MIA2: variants seen among roughly 807,000 people sequenced by gnomAD.
The protein encoded by MIA2 is MIA SH3 domain ER export factor 2, also known as melanoma inhibitory activity protein 2.
In MIA2, 127 loss-of-function variants were observed where a neutral mutation model predicts 167.8. That is an observed-to-expected ratio of 0.76 (90% CI 0.66 to 0.88). MIA2 has a LOEUF of 0.88. Among genes scored for constraint, MIA2 ranks in the 40% least tolerant of loss-of-function variants. The pLI, the probability that MIA2 is intolerant of heterozygous loss-of-function variation, is 0.00. For synonymous variants in MIA2, 552 were observed against 541.9 expected, an observed-to-expected ratio of 1.02 and a Z score of -0.26; for missense variants, 1,690 against 1,624.7, an observed-to-expected ratio of 1.04 and a Z score of -0.69.
At chr14:39,269,082 T>TTTTTTA in intron 6 of MIA2, 1 of 883,356 alleles carries the variant, frequency 1.1e-6, no homozygotes, top group Non-Finnish European at 1.3e-6. Context: ...CAGTTTTTTT[T>TTTTTTA]TTTTTTTTTT....
intron 6 of MIA2, among the ~76,000 whole-genome samples, chr14:39,274,188 C>T (rs1328423623): frequency 6.6e-6 from 1 of 152,100 alleles, no homozygotes; most frequent in Non-Finnish European, 1.5e-5. Flanking sequence ...TGGAGGGTTA[C>T]TCTTGGAGGG....
rs1405217018 is a variant in MIA2, at chr14:39,344,299, T to C, written c.3656-1605T>C. ...TTAAAAAAGAGTTGGTGTTCAGGTT[T>C]CCTTATTTTATCCCCTTGTCCAACT... On this transcript the variant is annotated intron_variant, in intron 25 of 28. Transcript: ENST00000640607. Among the ~76,000 whole-genome samples the C allele has an allele frequency of 2.0e-5, 3 of 152,216 alleles. No homozygotes were observed. In the East Asian group the frequency reaches 5.8e-4, roughly 29 times the overall value.
intron 6 of MIA2, among the ~76,000 whole-genome samples, chr14:39,259,872 T>G (rs543037087): frequency 6.6e-6 from 1 of 152,086 alleles, no homozygotes; most frequent in South Asian, 2.1e-4. Context: ...CCCGCCAACA[T>G]GACAGGCCCC....
intron 23 of MIA2, chr14:39,385,858 C>A (rs878875921): frequency 3.1e-6 from 3 of 965,854 alleles, no homozygotes; most frequent in East Asian, 2.4e-5. Context: ...ACCTCTCCCC[C>A]GCATGCCCCG....
At chr14:39,342,884 C>G (rs540897373) in intron 25 of MIA2, among the ~76,000 whole-genome samples, 1 of 152,156 alleles carries the variant, frequency 6.6e-6, no homozygotes, top group South Asian at 2.1e-4. Context: ...TATCAGCTTT[C>G]CTTATCAGCC....
At chr14:39,263,249 C>T (rs2055217388) in intron 6 of MIA2, among the ~76,000 whole-genome samples, 1 of 152,068 alleles carries the variant, frequency 6.6e-6, no homozygotes, top group African/African-American at 2.4e-5. Context: ...TTGTCGAAGG[C>T]CTTTTCTGCA....
chr14:39,315,043 G>A, intron 20 of MIA2: 1 of 329,586 alleles, frequency 3.0e-6, no homozygotes, highest in East Asian at 4.7e-5. Flanking sequence ...AGCACTTTGG[G>A]AAGCCGAAGT....
chr14:39,291,103 A>G lies in MIA2; in HGVS notation c.2208+7A>G. ...AGAAGCACAAAGTTTGGAGGTAGAAAATCAAATGGTATAATTTTAAAAGCT... is the reference window on the plus strand; with the variant it reads ...AGAAGCACAAAGTTTGGAGGTAGAAGATCAAATGGTATAATTTTAAAAGCT... On this transcript the variant is annotated splice_region_variant and intron_variant, in intron 10 of 28. Transcript: ENST00000640607. 1 of 1,591,570 alleles carries G rather than the reference A, an allele frequency of 6.3e-7. No homozygotes were observed. Among genetic ancestry groups the G allele is most frequent in the Non-Finnish European group, 8.5e-7 (1 of 1,172,828 alleles).
chr14:39,259,601 G>C, intron 6 of MIA2, among the ~76,000 whole-genome samples: 1 of 151,456 alleles, frequency 6.6e-6, no homozygotes, highest in African/African-American at 2.4e-5. Context: ...CCCTATCACA[G>C]CTCACTGCAG....
chr14:39,337,962 A>T (rs543263137), intron 25 of MIA2, among the ~76,000 whole-genome samples: 1 of 152,260 alleles, frequency 6.6e-6, no homozygotes, highest in South Asian at 2.1e-4. Context: ...ACCTCAAGTG[A>T]TCCACCCACC....
At chr14:39,269,822 T>G (rs1444282904) in intron 6 of MIA2, among the ~76,000 whole-genome samples, 1 of 152,190 alleles carries the variant, frequency 6.6e-6, no homozygotes, top group Non-Finnish European at 1.5e-5. Flanking sequence ...CGCCTGGCCC[T>G]TCATTTCTTT....
intron 24 of MIA2, 61 bp downstream of exon 24, chr14:39,321,117 A>C: frequency 5.3e-5 from 78 of 1,477,976 alleles, no homozygotes; most frequent in Non-Finnish European, 6.2e-5. Context: ...TTTTCATCTC[A>C]ACTTACCTTA....
intron 23 of MIA2, among the ~76,000 whole-genome samples, chr14:39,372,515 G>A (rs1299271196): frequency 6.6e-6 from 1 of 152,116 alleles, no homozygotes; most frequent in African/African-American, 2.4e-5. Flanking sequence ...GGAAAACTTT[G>A]TTCTGTTCTG....
At position 39,266,665 on chromosome 14, in the gene MIA2, C is replaced by T. The variant is rs1004690250; in HGVS notation, c.1888-10269C>T. On this transcript the variant is annotated intron_variant, in intron 6 of 28. Transcript: ENST00000640607. ...TGGCAGGGCGCACCGGCGCGTGCCC[C>T]GCAGGCCATTTTTCTGACTGGAATG... 18 of 985,470 alleles carry T rather than the reference C, an allele frequency of 1.8e-5. No homozygotes were observed. In the African/African-American group the frequency reaches 2.4e-4, roughly 13 times the overall value. The allele number at this position is 985,470 out of a possible 1,614,324, so 61.0% of individuals were successfully genotyped here.
At chr14:39,302,345 T>C in intron 15 of MIA2, 96 bp downstream of exon 15, 1 of 1,386,662 alleles carries the variant, frequency 7.2e-7, no homozygotes, top group Non-Finnish European at 9.9e-7. Flanking sequence ...TTATATGCTT[T>C]TACTTTGGCA....
At chr14:39,331,950 G>A (rs963471951) in intron 25 of MIA2, among the ~76,000 whole-genome samples, 5 of 152,104 alleles carry the variant, frequency 3.3e-5, no homozygotes, top group Non-Finnish European at 1.5e-5. Flanking sequence ...TCTTCTAGAA[G>A]AGTGTCTTTG....
chr14:39,271,629 A>AAT (rs2057159629), intron 6 of MIA2, among the ~76,000 whole-genome samples: 1 of 151,990 alleles, frequency 6.6e-6, no homozygotes, highest in South Asian at 2.1e-4. Context: ...TTGCTCTCTT[A>AAT]ATAATATTAA....
intron 25 of MIA2, among the ~76,000 whole-genome samples, chr14:39,329,674 A>G (rs1263949863): frequency 7.1e-6 from 1 of 141,782 alleles, no homozygotes; most frequent in Non-Finnish European, 1.5e-5. Context: ...TTTTTTTAGC[A>G]TGAAGGGGTG....
chr14:39,267,637 C>T, intron 6 of MIA2: 1 of 1,215,188 alleles, frequency 8.2e-7, no homozygotes, highest in Non-Finnish European at 1.1e-6. Context: ...GTCCCGAAGC[C>T]AGTCCTCGTC....
Sources: gnomAD v4.1 joint callset for allele counts (sites outside exome capture counted in the v4.1 genomes callset) on GRCh38, gnomAD v4.1.1 for gene constraint, MANE v1.5 for transcripts, NCBI Gene and HGNC (gene_info 2026-07-23, HGNC 2026-07-21) for gene names.